NKTR: variants seen among roughly 807,000 people sequenced by gnomAD.
The protein encoded by NKTR is natural killer cell triggering receptor, also known as NK-tumor recognition protein.
NKTR carries 67 observed loss-of-function variants against 156.3 expected under a neutral mutation model. That is an observed-to-expected ratio of 0.43 (90% CI 0.35 to 0.53). NKTR has a LOEUF of 0.53. Ranked by LOEUF, NKTR falls within the 20% of genes least tolerant of loss-of-function variation. NKTR has a pLI of 0.01. For missense variants in NKTR, 1,604 were observed against 1,730.9 expected (o/e 0.93, Z 1.30); for synonymous variants, 640 against 596.6 (o/e 1.07, Z -1.06).
At position 42,646,062 on chromosome 3, in the gene NKTR, A is replaced by G; in HGVS notation, c.*87A>G. 1 of 944,822 alleles carries G rather than the reference A, an allele frequency of 1.1e-6. No individual in the cohort carries two copies. Among genetic ancestry groups the G allele is most frequent in the East Asian group, 2.6e-5 (1 of 38,356 alleles). The allele number at this position is 944,822 out of a possible 1,614,324, so 58.5% of individuals were successfully genotyped here. The stretch of plus-strand genomic sequence containing the variant: ...TAATGACAGTCTGTTGTTCTATTTC[A>G]ATATCAGAGGTGAATTTCAAAAATA... On this transcript the variant is annotated 3_prime_UTR_variant, in exon 17 of 17. Coordinates refer to ENST00000232978, the MANE Select transcript of NKTR (RefSeq NM_005385.4).
At position 42,642,366 on chromosome 3, in the gene NKTR, T is replaced by C. The variant is rs1709960903; in HGVS notation, c.4047-135T>C. ...GAGAGTTCCTCATTAGCTGACACTG[T>C]CATATCCACTGTGAGGAGTTTGTGA... On this transcript the variant is annotated intron_variant, in intron 13 of 16. Coordinates refer to ENST00000232978, the MANE Select transcript of NKTR (RefSeq NM_005385.4). 6.5e-6 allele frequency: 4 copies of C among 611,200 alleles called. No individual in the cohort carries two copies. The East Asian group carries it at 1.1e-4, about 17-fold the overall frequency. 37.9% of individuals were successfully genotyped at this position (611,200 alleles called of 1,614,324 possible).
At chr3:42,621,553 A>G (rs1212925919) in intron 6 of NKTR, 37 bp downstream of exon 6, 2 of 1,597,370 alleles carry the variant, frequency 1.3e-6, no homozygotes, top group South Asian at 1.1e-5. Flanking sequence ...CTTTTCTTAA[A>G]CAGAGAAGCG....
chr3:42,613,360 T>C (rs376861969), intron 2 of NKTR, among the ~76,000 whole-genome samples: 13 of 152,204 alleles, frequency 8.5e-5, no homozygotes, highest in African/African-American at 2.9e-4. Flanking sequence ...CCCGATGTTA[T>C]GCTGCTCCTG....
intron 2 of NKTR, among the ~76,000 whole-genome samples, chr3:42,616,106 T>G (rs909601957): frequency 6.6e-6 from 1 of 152,190 alleles, no homozygotes; most frequent in African/African-American, 2.4e-5. Flanking sequence ...TATCATTGTT[T>G]CCTCCTCACA....
chr3:42,627,613 T>TTAAA (rs1189006416), intron 6 of NKTR: 3 of 985,176 alleles, frequency 3.0e-6, no homozygotes, highest in Non-Finnish European at 3.6e-6. Flanking sequence ...TTTATAAGGC[T>TTAAA]TAAATACCTT....
intron 9 of NKTR, 80 bp from the exon 10 acceptor site, chr3:42,633,494 CTGTTGT>C (rs1709102111): frequency 6.6e-7 from 1 of 1,519,470 alleles, no homozygotes; most frequent in Non-Finnish European, 8.8e-7. Flanking sequence ...GTTAATTATG[CTGTTGT>C]TTTAGTAACT....
chr3:42,635,493 G>A (rs1455631397), intron 12 of NKTR, 127 bp downstream of exon 12: 4 of 705,184 alleles, frequency 5.7e-6, no homozygotes, highest in Non-Finnish European at 6.7e-6. Flanking sequence ...GTGACCAAAG[G>A]AAATACATTT....
intron 13 of NKTR, among the ~76,000 whole-genome samples, chr3:42,640,235 T>A (rs1709768541): frequency 6.6e-6 from 1 of 152,230 alleles, no homozygotes. Flanking sequence ...TTTAGATTTT[T>A]GTTGTTGTTT....
chr3:42,633,302 A>G (rs898198451), intron 9 of NKTR: 1 of 1,067,596 alleles, frequency 9.4e-7, no homozygotes, highest in Non-Finnish European at 1.2e-6. Context: ...TAAGACCCCT[A>G]AAGTACTGGG....
chr3:42,631,891 C>G (rs746398475), intron 8 of NKTR, among the ~76,000 whole-genome samples: 2 of 152,028 alleles, frequency 1.3e-5, no homozygotes, highest in Non-Finnish European at 2.9e-5. Flanking sequence ...TTTTGTGCTG[C>G]CTATTCTCTT....
At chr3:42,615,119 C>T (rs544786006) in intron 2 of NKTR, among the ~76,000 whole-genome samples, 5 of 150,742 alleles carry the variant, frequency 3.3e-5, no homozygotes, top group Non-Finnish European at 7.4e-5. Context: ...TACTGTGTCG[C>T]GCAGGCTGGA....
rs750080451 is a variant in NKTR at position 42,624,631 on chromosome 3, T to TA, written c.374+3116dup. On this transcript the variant is annotated intron_variant, in intron 6 of 16. Transcript: ENST00000232978. ...TTACAATCTGGAAGAAACTGATAGC[T>TA]AGAAAAAGAATGCTGCATACTTATT... 1.2e-4 allele frequency among the ~76,000 whole-genome samples: 19 copies of TA among 152,222 alleles called. No individual in the cohort carries two copies. In the East Asian group the frequency reaches 3.5e-3, roughly 28 times the overall value.
At chr3:42,631,091 T>A (rs1708860661) in intron 7 of NKTR, 80 bp from the exon 8 acceptor site, 1 of 1,554,762 alleles carries the variant, frequency 6.4e-7, no homozygotes, top group Non-Finnish European at 8.7e-7. Flanking sequence ...GGACATGTCA[T>A]TGATTACAGT....
At chr3:42,634,723 T>C in intron 11 of NKTR, 23 bp downstream of exon 11, 1 of 1,331,294 alleles carries the variant, frequency 7.5e-7, no homozygotes, top group Non-Finnish European at 1.1e-6. Context: ...AGACTTTTTT[T>C]GATATTATGT....
Position 42,638,257 on chromosome 3 carries a change from G to A in NKTR, c.2553G>A (p.Arg851=), listed in dbSNP as rs777993717. Residue 851 remains arginine (R), a synonymous_variant, in exon 13 of 17, where the codon CGG becomes CGA. Coordinates refer to ENST00000232978, the MANE Select transcript of NKTR (RefSeq NM_005385.4). ...NRGEEKSKSE[R]ECPHSKKRTL... is the part of the protein sequence containing the mutation. Reference sequence around the variant, plus strand: ...GTGAAGAAAAATCCAAGTCTGAACGGGAATGCCCTCATTCAAAAAAAAGAA... The same window carrying A: ...GTGAAGAAAAATCCAAGTCTGAACGAGAATGCCCTCATTCAAAAAAAAGAA... The A allele has an allele frequency of 9.3e-6, 15 of 1,610,810 alleles. No individual in the cohort carries two copies. The Admixed American group carries it at 1.0e-4, about 11-fold the overall frequency.
chr3:42,639,492 G>T lies in NKTR; in HGVS notation c.3788G>T (p.Arg1263Ile). Reference sequence around the variant, plus strand: ...CCTGAAATGAAACCACAAGGCTTGAGAATAGAAATTAAAAGCAAAAATAAA... The same window carrying T: ...CCTGAAATGAAACCACAAGGCTTGATAATAGAAATTAAAAGCAAAAATAAA... The part of the protein sequence containing the change: ...TVPEMKPQGL[R>I]IEIKSKNKVR... Residue 1263 changes from arginine to isoleucine, a missense_variant, in exon 13 of 17, where the codon AGA (arginine) becomes ATA (isoleucine). This residue lies in a region of NKTR where 18 missense variants were observed against 41.9 expected (regional missense o/e 0.43). Transcript: ENST00000232978. 1 of 1,614,196 alleles carries T rather than the reference G, an allele frequency of 6.2e-7. No individual in the cohort carries two copies. Among genetic ancestry groups the T allele is most frequent in the Non-Finnish European group, 8.5e-7 (1 of 1,180,036 alleles).
At chr3:42,629,074 C>A in intron 6 of NKTR, 1 of 940,862 alleles carries the variant, frequency 1.1e-6, no homozygotes, top group Non-Finnish European at 1.3e-6. Context: ...GCTTCTGTAC[C>A]AATTTCTTGT....
At chr3:42,601,091 T>A in intron 2 of NKTR, 27 bp downstream of exon 2, 1 of 1,538,826 alleles carries the variant, frequency 6.5e-7, no homozygotes, top group Non-Finnish European at 8.7e-7. Context: ...GGAGCGCTGC[T>A]GGGGCCGAGG....
intron 3 of NKTR, among the ~76,000 whole-genome samples, chr3:42,618,675 T>C (rs1316156306): frequency 6.6e-6 from 1 of 152,134 alleles, no homozygotes; most frequent in Non-Finnish European, 1.5e-5. Context: ...TTCAAACTCC[T>C]GACCTCAAGT....
Sources: allele counts gnomAD v4.1 joint callset (sites outside exome capture counted in the v4.1 genomes callset), GRCh38; gene constraint gnomAD v4.1.1; regional missense constraint gnomAD v4.1.1; transcripts MANE v1.5; gene names NCBI Gene and HGNC (gene_info 2026-07-23, HGNC 2026-07-21).